ATP6V0D2: variants seen among roughly 807,000 people sequenced by gnomAD.
The protein encoded by ATP6V0D2 is ATPase H+ transporting V0 subunit d2, also known as V-type proton ATPase subunit d 2.
In ATP6V0D2, 40 loss-of-function variants were observed where a neutral mutation model predicts 40.0. The ratio of observed to expected loss-of-function variants is 1.00; its 90% CI spans 0.78 to 1.30. The LOEUF (loss-of-function observed/expected upper bound fraction) is 1.30, where lower values mean the gene tolerates loss of function less well. Ranked by LOEUF, ATP6V0D2 falls within the 50% of genes most tolerant of loss-of-function variation. The probability of loss-of-function intolerance (pLI) is 0.00; values close to 1 mark genes in which losing one functional copy is unlikely to be tolerated. For synonymous variants in ATP6V0D2, 179 were observed against 156.3 expected (o/e 1.15, Z -1.08); for missense variants, 470 against 423.1 (o/e 1.11, Z -0.97).
chr8:86,126,825 C>T (rs377186749), intron 2 of ATP6V0D2, among the ~76,000 whole-genome samples: 1 of 152,164 alleles, frequency 6.6e-6, no homozygotes, highest in African/African-American at 2.4e-5. Flanking sequence ...TAGAAAAGGA[C>T]AAGTTAAGTT....
chr8:86,150,307 T>C lies in ATP6V0D2; in HGVS notation c.816+19T>C. 1 of 1,609,482 alleles carries C rather than the reference T, an allele frequency of 6.2e-7. No individual in the cohort carries two copies. On this transcript the variant is annotated intron_variant, in intron 6 of 7. Coordinates refer to ENST00000285393, the MANE Select transcript of ATP6V0D2 (RefSeq NM_152565.1). ...TTACGGAGTATGTGATGACACTGGC[T>C]TCCCTAAGTCCTTTGTGTTCATTCA...
At chr8:86,103,380 C>T (rs887741420) in intron 1 of ATP6V0D2, among the ~76,000 whole-genome samples, 1 of 151,564 alleles carries the variant, frequency 6.6e-6, no homozygotes, top group African/African-American at 2.4e-5. Context: ...ATCCGCCTGC[C>T]TTGGCCTCCT....
intron 5 of ATP6V0D2, among the ~76,000 whole-genome samples, chr8:86,148,591 C>A (rs555695051): frequency 6.6e-6 from 1 of 152,254 alleles, no homozygotes; most frequent in East Asian, 1.9e-4. Context: ...GGTTGGACTG[C>A]GGCCTGAGAC....
At chr8:86,145,731 A>T (rs1819060830) in intron 5 of ATP6V0D2, among the ~76,000 whole-genome samples, 1 of 152,222 alleles carries the variant, frequency 6.6e-6, no homozygotes, top group South Asian at 2.1e-4. Context: ...GCTCAAAAGT[A>T]GAATTTCTAC....
At chr8:86,119,341 G>C (rs1026200127) in intron 2 of ATP6V0D2, among the ~76,000 whole-genome samples, 2 of 147,896 alleles carry the variant, frequency 1.4e-5, no homozygotes, top group African/African-American at 5.0e-5. Context: ...TAATTCTCCT[G>C]CTTCAGCCTT....
intron 5 of ATP6V0D2, among the ~76,000 whole-genome samples, chr8:86,146,063 A>G (rs1241545175): frequency 1.3e-5 from 2 of 152,194 alleles, no homozygotes; most frequent in Admixed American, 6.5e-5. Flanking sequence ...TCACGTACTT[A>G]TGTGCTTATC....
chr8:86,128,296 C>T (rs1818773552), intron 2 of ATP6V0D2, among the ~76,000 whole-genome samples: 1 of 152,134 alleles, frequency 6.6e-6, no homozygotes. Context: ...TTGCAGTGAG[C>T]CAAGATCACA....
chr8:86,144,135 C>T (rs1234206367), intron 5 of ATP6V0D2, among the ~76,000 whole-genome samples: 2 of 152,148 alleles, frequency 1.3e-5, no homozygotes, highest in Non-Finnish European at 2.9e-5. Flanking sequence ...CTCTTAAGGA[C>T]CACAGATTTC....
chr8:86,136,330 G>A (rs1818896320), intron 2 of ATP6V0D2, among the ~76,000 whole-genome samples: 1 of 152,134 alleles, frequency 6.6e-6, no homozygotes, highest in African/African-American at 2.4e-5. Flanking sequence ...CACCATTGAC[G>A]CTGGTCGCCC....
intron 3 of ATP6V0D2, among the ~76,000 whole-genome samples, chr8:86,140,710 G>A (rs1041452626): frequency 1.4e-4 from 21 of 152,216 alleles, no homozygotes; most frequent in African/African-American, 4.6e-4. Flanking sequence ...TAGTGAGTGA[G>A]GTTTAGGGCA....
At chr8:86,145,368 AGG>A (rs1491285785) in intron 5 of ATP6V0D2, among the ~76,000 whole-genome samples, 9,051 of 63,900 alleles carry the variant, frequency 0.14, 1,178 homozygotes, top group African/African-American at 0.35. Context: ...GAAGGAAGGA[AGG>A]AAGGAAAGAA....
chr8:86,152,647 T>C (rs1490432426), intron 7 of ATP6V0D2, among the ~76,000 whole-genome samples, 169 bp from the exon 8 acceptor site: 1 of 152,254 alleles, frequency 6.6e-6, no homozygotes, highest in African/African-American at 2.4e-5. Flanking sequence ...ACACTCTCTC[T>C]TTAGAACTTT....
At chr8:86,106,647 G>A (rs1168723406) in intron 1 of ATP6V0D2, among the ~76,000 whole-genome samples, 1 of 152,132 alleles carries the variant, frequency 6.6e-6, no homozygotes, top group Non-Finnish European at 1.5e-5. Flanking sequence ...AGTGGCATTT[G>A]GATATGAATC....
At chr8:86,129,827 A>T (rs1338579577) in intron 2 of ATP6V0D2, among the ~76,000 whole-genome samples, 8 of 149,790 alleles carry the variant, frequency 5.3e-5, no homozygotes, top group Non-Finnish European at 1.2e-4. Context: ...AGGGAAAAAA[A>T]TTGACCAGGC....
At chr8:86,132,178 C>T (rs1322482904) in intron 2 of ATP6V0D2, among the ~76,000 whole-genome samples, 1 of 152,022 alleles carries the variant, frequency 6.6e-6, no homozygotes, top group Non-Finnish European at 1.5e-5. Context: ...AACCACAGGA[C>T]CATTTGAAGT....
At chr8:86,104,534 A>G (rs1446467027) in intron 1 of ATP6V0D2, among the ~76,000 whole-genome samples, 3 of 152,184 alleles carry the variant, frequency 2.0e-5, no homozygotes, top group Non-Finnish European at 4.4e-5. Flanking sequence ...TTTTAAAAAT[A>G]TACTTCCTAT....
At chr8:86,135,296 T>C (rs1818882262) in intron 2 of ATP6V0D2, among the ~76,000 whole-genome samples, 1 of 152,228 alleles carries the variant, frequency 6.6e-6, no homozygotes, top group Non-Finnish European at 1.5e-5. Flanking sequence ...ATGTGGTAGT[T>C]ATCATACAGA....
intron 2 of ATP6V0D2, among the ~76,000 whole-genome samples, chr8:86,115,893 C>G (rs984480290): frequency 1.3e-5 from 2 of 152,078 alleles, no homozygotes; most frequent in Admixed American, 6.5e-5. Context: ...ATACGGCAAA[C>G]AGAAAATATT....
chr8:86,138,230 G>A lies in ATP6V0D2; in HGVS notation c.303-1227G>A, dbSNP rs560820448. Among the ~76,000 whole-genome samples, 59 of 152,194 alleles carry A rather than the reference G, an allele frequency of 3.9e-4. No individual in the cohort carries two copies. In the South Asian group the frequency reaches 5.4e-3, roughly 14 times the overall value. ...TTTTCCCCAGTTCCCAGCCCCTTTT[G>A]GCTGGCCAGCTTCTACTAATTCTTC... On this transcript the variant is annotated intron_variant, in intron 2 of 7. Transcript: ENST00000285393.
Sources: gnomAD v4.1 joint callset for allele counts (sites outside exome capture counted in the v4.1 genomes callset) on GRCh38, gnomAD v4.1.1 for gene constraint, MANE v1.5 for transcripts, NCBI Gene and HGNC (gene_info 2026-07-23, HGNC 2026-07-21) for gene names.